KIF13B: variants seen among roughly 807,000 people sequenced by gnomAD.
KIF13B encodes the protein kinesin family member 13B.
A neutral mutation model predicts 222.0 loss-of-function variants in KIF13B; 127 were observed. That is an observed-to-expected ratio of 0.57 (90% CI 0.50 to 0.66). The LOEUF (loss-of-function observed/expected upper bound fraction) is 0.66, where lower values mean the gene tolerates loss of function less well. Among genes scored for constraint, KIF13B ranks in the 30% least tolerant of loss-of-function variants. The probability of loss-of-function intolerance (pLI) is 0.00; values close to 1 mark genes in which losing one functional copy is unlikely to be tolerated. For missense variants in KIF13B, 2,173 were observed against 2,379.0 expected (o/e 0.91, Z 1.80); for synonymous variants, 976 against 919.0 (o/e 1.06, Z -1.12).
chr8:29,235,511 C>T (rs542947865), intron 2 of KIF13B, among the ~76,000 whole-genome samples: 8 of 152,248 alleles, frequency 5.3e-5, no homozygotes, highest in East Asian at 3.9e-4. Context: ...CCTTTGAGAA[C>T]GAGCACTAAC....
intron 2 of KIF13B, among the ~76,000 whole-genome samples, chr8:29,199,574 C>CAA (rs10579222): frequency 5.6e-4 from 67 of 119,146 alleles, no homozygotes; most frequent in Middle Eastern, 4.5e-3. Context: ...TTCCAAAATC[C>CAA]AAAAAAAAAA....
chr8:29,075,423 G>C (rs1563680163), intron 37 of KIF13B, 80 bp from the exon 38 acceptor site: 1 of 1,325,662 alleles, frequency 7.5e-7, no homozygotes, highest in Non-Finnish European at 1.0e-6. Flanking sequence ...ACAGGCTGGA[G>C]GGCCAGGACC....
At chr8:29,169,562 A>C (rs1020124091) in intron 10 of KIF13B, among the ~76,000 whole-genome samples, 5 of 152,268 alleles carry the variant, frequency 3.3e-5, no homozygotes, top group African/African-American at 1.2e-4. Context: ...TTCATATACC[A>C]GTGAAAGTTT....
intron 1 of KIF13B, chr8:29,250,124 C>T: frequency 9.4e-7 from 1 of 1,058,922 alleles, no homozygotes; most frequent in Non-Finnish European, 1.3e-6. Context: ...CTCCGGAAAT[C>T]TACTGTGACT....
chr8:29,203,859 A>C (rs1168525178), intron 2 of KIF13B, among the ~76,000 whole-genome samples: 1 of 132,754 alleles, frequency 7.5e-6, no homozygotes, highest in Non-Finnish European at 1.5e-5. Flanking sequence ...ACACCACTGC[A>C]CTCCAGCCTG....
rs533633980 is a variant in KIF13B at position 29,167,529 on chromosome 8, A to G, written c.1002T>C (p.Ala334=). ...TAMVATVSPA[A]DNYDETLSTL... is the part of the protein sequence containing the mutation. The stretch of plus-strand genomic sequence containing the variant: ...TTGAGAGGGTTTCATCATAGTTATC[A>G]GCTGCAGGACTCACAGTAGCCACCA... Residue 334 remains alanine, a synonymous_variant, in exon 11 of 40, where the codon GCT becomes GCC. Coordinates refer to ENST00000524189, the MANE Select transcript of KIF13B (RefSeq NM_015254.4). 2 of 1,614,068 alleles carry G rather than the reference A, an allele frequency of 1.2e-6. No homozygotes were observed. The highest frequency in any genetic ancestry group is 1.3e-5 in the African/African-American group (1 of 75,056).
At chr8:29,108,865 A>G (rs1809222059) in intron 34 of KIF13B, among the ~76,000 whole-genome samples, 1 of 152,230 alleles carries the variant, frequency 6.6e-6, no homozygotes, top group Non-Finnish European at 1.5e-5. Context: ...CATCTTCATC[A>G]AAAATGAGGA....
chr8:29,262,997 C>T lies in KIF13B; in HGVS notation c.38G>A (p.Arg13Gln). 6.3e-7 allele frequency: 1 copy of T among 1,597,748 alleles called. No homozygotes were observed. Among genetic ancestry groups the T allele is most frequent in the Non-Finnish European group, 8.5e-7 (1 of 1,173,254 alleles). Residue 13 changes from arginine to glutamine, a missense_variant, in exon 1 of 40, where the codon CGA becomes CAA. Transcript: ENST00000524189. Reference sequence around the variant, plus strand: ...GCTCTCACCTCGCCGGTTCATGGGTCGTATCCGCACCGCCACTTTCACTTT... The same window carrying T: ...GCTCTCACCTCGCCGGTTCATGGGTTGTATCCGCACCGCCACTTTCACTTT... ...DSKVKVAVRI[R>Q]PMNRRETDLH...
At chr8:29,098,324 C>T (rs1193314180) in intron 36 of KIF13B, among the ~76,000 whole-genome samples, 1 of 151,564 alleles carries the variant, frequency 6.6e-6, no homozygotes, top group African/African-American at 2.4e-5. Context: ...ATAAACTTGC[C>T]GGGTGCAGTA....
intron 10 of KIF13B, among the ~76,000 whole-genome samples, chr8:29,170,567 T>C (rs1031537538): frequency 5.3e-5 from 8 of 152,122 alleles, no homozygotes; most frequent in Middle Eastern, 3.4e-3. Context: ...TAGAGAAGCA[T>C]CACCCAGGTA....
chr8:29,245,947 C>T (rs1303890045), intron 1 of KIF13B, among the ~76,000 whole-genome samples: 3 of 152,062 alleles, frequency 2.0e-5, no homozygotes, highest in Non-Finnish European at 2.9e-5. Flanking sequence ...TCAAAAATAT[C>T]AAAATACTTA....
In KIF13B at chr8:29,186,314, G is replaced by A. The variant is rs779713009; in HGVS notation, c.475C>T (p.Arg159Ter). ...TACCCTTTGGGATCAAGAAGGTCTC[G>A]AACTTTTTCATTATAAATTTCCATG... The part of the protein sequence containing the change: ...SYMEIYNEKV[R>*]DLLDPKGSRQ... Residue 159 changes from arginine to a stop codon, truncating the protein, a stop_gained, in exon 6 of 40, where the codon CGA becomes TGA. Coordinates refer to ENST00000524189, the MANE Select transcript of KIF13B (RefSeq NM_015254.4). LOFTEE classifies it high-confidence loss of function. 2.5e-6 allele frequency: 4 copies of A among 1,612,710 alleles called. No homozygotes were observed. Among genetic ancestry groups the A allele is most frequent in the South Asian group, 1.1e-5 (1 of 90,766 alleles).
intron 1 of KIF13B, among the ~76,000 whole-genome samples, chr8:29,248,334 G>T (rs1446086963): frequency 6.6e-6 from 1 of 152,176 alleles, no homozygotes; most frequent in Non-Finnish European, 1.5e-5. Flanking sequence ...CCCTAGCGCA[G>T]AACACTACTG....
At position 29,071,284 on chromosome 8, in the gene KIF13B, G is replaced by A. The variant is rs540520182; in HGVS notation, c.5218+336C>T. 2.8e-4 allele frequency among the ~76,000 whole-genome samples: 42 copies of A among 152,292 alleles called. 2 individuals are homozygous for A. Among genetic ancestry groups the A allele is most frequent in the African/African-American group, 9.6e-4 (40 of 41,542 alleles). On this transcript the variant is annotated intron_variant, in intron 39 of 39. Coordinates refer to ENST00000524189, the MANE Select transcript of KIF13B (RefSeq NM_015254.4). The surrounding 1 kb of genome is among the most constrained non-coding windows in gnomAD (Gnocchi z 4.9). ...GGAAGAGCCTCCTGGAACGGCAAAG[G>A]GGAGATGCTCTAAGGTGAAGGATGA...
At position 29,123,449 on chromosome 8, in the gene KIF13B, C is replaced by G. The variant is rs1354529304; in HGVS notation, c.3396G>C (p.Glu1132Asp). 6.2e-7 allele frequency: 1 copy of G among 1,613,948 alleles called. No homozygotes were observed. Among genetic ancestry groups the G allele is most frequent in the African/African-American group, 1.3e-5 (1 of 74,958 alleles). Residue 1132 changes from glutamate to aspartate, a missense_variant, in exon 28 of 40, where the codon GAG becomes GAC. Coordinates refer to ENST00000524189, the MANE Select transcript of KIF13B (RefSeq NM_015254.4). ...TCTCCTCAGTTAGGGTCAACCGCATCTCCAGAAGCTGCGCTTCACGGTCAG... is the reference window on the plus strand; with the variant it reads ...TCTCCTCAGTTAGGGTCAACCGCATGTCCAGAAGCTGCGCTTCACGGTCAG... ...DDADREAQLL[E>D]MRLTLTEERN...
chr8:29,086,919 A>C (rs531933182), intron 37 of KIF13B, among the ~76,000 whole-genome samples: 31 of 152,378 alleles, frequency 2.0e-4, no homozygotes, highest in Non-Finnish European at 4.3e-4. Context: ...TAGTAAATAA[A>C]AATAAAGCAC....
rs531713707 is a variant in KIF13B, at chr8:29,117,152, A to G, written c.3661-145T>C. On this transcript the variant is annotated intron_variant, in intron 30 of 39. Transcript: ENST00000524189. The stretch of plus-strand genomic sequence containing the variant: ...CTATGACAGCTGCCCTGAAAAGACA[A>G]TGGAGTGTGACAGTGTGGCCACAAT... The G allele has an allele frequency of 1.4e-4, 84 of 599,442 alleles. 1 individual carries two copies. The highest frequency in any genetic ancestry group is 1.4e-3 in the African/African-American group (75 of 53,700). The allele number at this position is 599,442 out of a possible 1,614,324, so 37.1% of individuals were successfully genotyped here.
intron 13 of KIF13B, among the ~76,000 whole-genome samples, chr8:29,156,858 A>C (rs1339502459): frequency 1.3e-5 from 2 of 151,800 alleles, no homozygotes; most frequent in Non-Finnish European, 2.9e-5. Flanking sequence ...AGCCTACTTG[A>C]CACAACTTGG....
chr8:29,196,103 CTTT>C, intron 3 of KIF13B, 81 bp downstream of exon 3: 1 of 1,159,260 alleles, frequency 8.6e-7, no homozygotes, highest in Non-Finnish European at 1.2e-6. Context: ...AAATATTTTC[CTTT>C]TTGAGAAGAA....
Sources: gnomAD v4.1 joint callset for allele counts (sites outside exome capture counted in the v4.1 genomes callset) on GRCh38, gnomAD v4.1.1 for gene constraint, Gnocchi (gnomAD v3.1) non-coding constraint, MANE v1.5 for transcripts, NCBI Gene and HGNC (gene_info 2026-07-23, HGNC 2026-07-21) for gene names.